Variants in HEXB observed in about 807,000 individuals in gnomAD.
The protein encoded by HEXB is beta-hexosaminidase subunit beta.
Under a neutral mutation model 71.2 loss-of-function variants are expected in HEXB, and 51 were observed. The observed-to-expected ratio is 0.72, with a 90% confidence interval of 0.57 to 0.90. The LOEUF (loss-of-function observed/expected upper bound fraction) is 0.90. Ranked by LOEUF, HEXB falls within the 40% of genes least tolerant of loss-of-function variation. HEXB has a pLI of 0.00. For missense variants in HEXB, 617 were observed against 677.0 expected, an observed-to-expected ratio of 0.91 and a Z score of 0.98; for synonymous variants, 266 against 249.3, an observed-to-expected ratio of 1.07 and a Z score of -0.63.
chr5:74,654,300 G>C (rs1463372005), intron 1 of HEXB, among the ~76,000 whole-genome samples: 1 of 152,206 alleles, frequency 6.6e-6, no homozygotes, highest in Non-Finnish European at 1.5e-5. Flanking sequence ...AGAAGTCTGG[G>C]ATGGGGGCAG....
intron 1 of HEXB, among the ~76,000 whole-genome samples, chr5:74,663,534 G>A (rs1412175640): frequency 1.3e-5 from 2 of 152,094 alleles, no homozygotes; most frequent in African/African-American, 2.4e-5. Flanking sequence ...ACTGCTCTTA[G>A]GCTTAAGACT....
At chr5:74,643,225 G>A (rs1747939735) in intron 1 of HEXB, among the ~76,000 whole-genome samples, 1 of 152,156 alleles carries the variant, frequency 6.6e-6, no homozygotes. Context: ...AAAATGATTT[G>A]CAAGTTAGCA....
At chr5:74,685,131 G>A, upstream of HEXB, 1 of 981,104 alleles carries the variant, frequency 1.0e-6, no homozygotes, top group Non-Finnish European at 1.4e-6. Flanking sequence ...GGCGGAGTCG[G>A]GGGCGGGCGC....
intron 1 of HEXB, among the ~76,000 whole-genome samples, chr5:74,655,775 T>C (rs567189769): frequency 1.3e-5 from 2 of 152,320 alleles, no homozygotes; most frequent in African/African-American, 4.8e-5. Flanking sequence ...CACAATATCT[T>C]TTTATCCTCA....
chr5:74,684,472 C>A (rs1393182884), upstream of HEXB, among the ~76,000 whole-genome samples: 1 of 152,148 alleles, frequency 6.6e-6, no homozygotes, highest in Non-Finnish European at 1.5e-5. Flanking sequence ...AAAGCCTAGA[C>A]TTAGGAGCAA....
intron 5 of HEXB, among the ~76,000 whole-genome samples, chr5:74,697,678 A>G (rs909508810): frequency 1.4e-5 from 2 of 147,680 alleles, no homozygotes; most frequent in Non-Finnish European, 3.0e-5. Flanking sequence ...CAGTGAGCCG[A>G]GATCGCACCA....
At chr5:74,680,010 T>C (rs1015189336) in intron 1 of HEXB, among the ~76,000 whole-genome samples, 7 of 152,098 alleles carry the variant, frequency 4.6e-5, no homozygotes, top group African/African-American at 1.2e-4. Context: ...ACAAACCCTC[T>C]CAAACAATAG....
intron 5 of HEXB, among the ~76,000 whole-genome samples, chr5:74,699,319 G>A (rs1749203607): frequency 6.6e-6 from 1 of 151,312 alleles, no homozygotes; most frequent in Non-Finnish European, 1.5e-5. Flanking sequence ...TGTTACCCAG[G>A]CTGGAGTGCA....
At chr5:74,716,062 A>AT (rs1178353518) in intron 8 of HEXB, among the ~76,000 whole-genome samples, 105 of 150,612 alleles carry the variant, frequency 7.0e-4, no homozygotes, top group Middle Eastern at 3.4e-3. Context: ...AACCTGTTGC[A>AT]TTGAAGTAGC....
At chr5:74,689,203 T>C in intron 1 of HEXB, 125 bp from the exon 2 acceptor site, 1 of 771,388 alleles carries the variant, frequency 1.3e-6, no homozygotes, top group South Asian at 1.5e-5. Context: ...GGGGTGAGAA[T>C]CTCTAGTTGG....
chr5:74,665,126 A>G (rs1157541420), intron 1 of HEXB, among the ~76,000 whole-genome samples: 1 of 152,232 alleles, frequency 6.6e-6, no homozygotes, highest in Admixed American at 6.5e-5. Flanking sequence ...GTCCCCAAAT[A>G]AGAAAGTGGT....
rs1561223555 is a variant in HEXB at position 74,708,460 on chromosome 5, T to C, written c.771+3140T>C. On this transcript the variant is annotated intron_variant, in intron 6 of 13. Transcript: ENST00000261416. ...TAACAATATTAACTTTAAATGTAAATGGACTAAATGCTCCAATTAAAAGAC... is the reference window on the plus strand; with the variant it reads ...TAACAATATTAACTTTAAATGTAAACGGACTAAATGCTCCAATTAAAAGAC... Among the ~76,000 whole-genome samples, 5 of 147,436 alleles carry C rather than the reference T, an allele frequency of 3.4e-5. No individual in the cohort carries two copies. In the South Asian group the frequency reaches 1.1e-3, roughly 32 times the overall value.
Position 74,685,477 on chromosome 5 carries a change from G to GC in HEXB, c.221dup (p.Glu75GlyfsTer40). On this transcript the variant is annotated frameshift_variant, in exon 1 of 14. Transcript: ENST00000261416. LOFTEE classifies it high-confidence loss of function. Reference sequence around the variant, plus strand: ...GATGACCCCGAACCTGCTGCATCTCGCCCCGGAGAACTTCTACATCAGCCA... The same window carrying GC: ...GATGACCCCGAACCTGCTGCATCTCGCCCCCGGAGAACTTCTACATCAGCCA... 1 of 1,611,366 alleles carries GC rather than the reference G, an allele frequency of 6.2e-7. No individual in the cohort carries two copies. The highest frequency in any genetic ancestry group is 8.5e-7 in the Non-Finnish European group (1 of 1,179,004).
rs559148344 is a variant in HEXB, at chr5:74,706,516, AG to A, written c.771+1200del. ...GGCGTTGCCTCACTCGGGAAGCGCA[AG>A]GGGTCAGGGAGTTCCCTTTCCTAGT... is the stretch of plus-strand genomic sequence containing the variant. On this transcript the variant is annotated intron_variant, in intron 6 of 13. Coordinates refer to ENST00000261416, the MANE Select transcript of HEXB (RefSeq NM_000521.4). Among the ~76,000 whole-genome samples the A allele has an allele frequency of 9.6e-4, 147 of 152,356 alleles. No individual in the cohort carries two copies. In the Middle Eastern group the frequency reaches 0.01, roughly 11 times the overall value.
rs1309544268 is a variant in HEXB at position 74,708,689 on chromosome 5, CAAAG to C, written c.771+3372_771+3375del. Reference sequence around the variant, plus strand: ...TTAAACCAACAAAGATCAAAAGAGACAAAGAAGGCCATTACATAATGGTAAAGGG... The same window carrying C: ...TTAAACCAACAAAGATCAAAAGAGACAAGGCCATTACATAATGGTAAAGGG... On this transcript the variant is annotated intron_variant, in intron 6 of 13. Coordinates refer to ENST00000261416, the MANE Select transcript of HEXB (RefSeq NM_000521.4). Among the ~76,000 whole-genome samples the C allele has an allele frequency of 3.5e-3, 526 of 151,776 alleles. 2 individuals carry two copies. The highest frequency in any genetic ancestry group is 0.012 in the African/African-American group (506 of 41,326).
At chr5:74,712,457 AT>A (rs1259339804) in intron 6 of HEXB, among the ~76,000 whole-genome samples, 2 of 152,196 alleles carry the variant, frequency 1.3e-5, no homozygotes, top group Admixed American at 6.5e-5. Context: ...AATGCTTTAA[AT>A]TTTAAAAAAA....
At chr5:74,657,190 A>G (rs1489985540) in intron 1 of HEXB, among the ~76,000 whole-genome samples, 2 of 151,962 alleles carry the variant, frequency 1.3e-5, no homozygotes, top group Non-Finnish European at 2.9e-5. Flanking sequence ...TACACTTTAT[A>G]CCCTCCAGTG....
At chr5:74,720,546 G>A (rs1056478643) in intron 12 of HEXB, 28 bp downstream of exon 12, 1 of 1,595,046 alleles carries the variant, frequency 6.3e-7, no homozygotes, top group Non-Finnish European at 8.6e-7. Flanking sequence ...TAACATTTAA[G>A]AATTAAGGTG....
chr5:74,703,807 C>A (rs146404383), intron 5 of HEXB, among the ~76,000 whole-genome samples: 1 of 151,950 alleles, frequency 6.6e-6, no homozygotes, highest in Non-Finnish European at 1.5e-5. Flanking sequence ...ATGGGACTAC[C>A]GGCACTACCG....
Sources: allele counts gnomAD v4.1 joint callset (sites outside exome capture counted in the v4.1 genomes callset), GRCh38; gene constraint gnomAD v4.1.1; transcripts MANE v1.5; gene names NCBI Gene and HGNC (gene_info 2026-07-23, HGNC 2026-07-21).